SCARA3: variants seen among roughly 807,000 people sequenced by gnomAD.
SCARA3 encodes scavenger receptor class A member 3, also known as cellular stress response gene protein.
A neutral mutation model predicts 47.0 loss-of-function variants in SCARA3; 39 were observed. The observed-to-expected ratio is 0.83, with a 90% CI of 0.64 to 1.08. The LOEUF (loss-of-function observed/expected upper bound fraction) is 1.08. SCARA3 is among the 50% of genes least tolerant of loss of function. The probability of loss-of-function intolerance (pLI) is 0.00; values close to 1 mark genes in which losing one functional copy is unlikely to be tolerated. For missense variants in SCARA3, 724 were observed against 792.3 expected, an observed-to-expected ratio of 0.91 and a Z score of 1.04; for synonymous variants, 356 against 334.1, an observed-to-expected ratio of 1.07 and a Z score of -0.71.
chr8:27,639,050 G>A (rs550908598), intron 1 of SCARA3, among the ~76,000 whole-genome samples: 1 of 152,152 alleles, frequency 6.6e-6, no homozygotes, highest in Admixed American at 6.5e-5. Flanking sequence ...TATTTCCATC[G>A]GTGTCCTCAG....
intron 5 of SCARA3, among the ~76,000 whole-genome samples, chr8:27,660,842 C>CTAGCTAGCTAGCTAGA (rs1318777226): frequency 3.5e-5 from 4 of 113,768 alleles, no homozygotes; most frequent in African/African-American, 1.2e-4. Flanking sequence ...AGCTAGCTAG[C>CTAGCTAGCTAGCTAGA]TAGATAGATA....
the SCARA3 span, among the ~76,000 whole-genome samples, chr8:27,706,234 C>A: frequency 3.3e-5 from 5 of 152,180 alleles, no homozygotes; most frequent in Admixed American, 1.3e-4. Context: ...TCACTCACTG[C>A]AAACTCTGCC....
the SCARA3 span, among the ~76,000 whole-genome samples, chr8:27,708,636 C>A: frequency 6.6e-6 from 1 of 151,382 alleles, no homozygotes; most frequent in East Asian, 1.9e-4. Context: ...GGTGGGTTAG[C>A]GGACAGTTTC....
intron 3 of SCARA3, among the ~76,000 whole-genome samples, chr8:27,654,206 G>A (rs560785177): frequency 2.0e-5 from 3 of 152,176 alleles, no homozygotes; most frequent in Admixed American, 1.3e-4. Flanking sequence ...TAGGCAATAG[G>A]CATATAGGTC....
chr8:27,715,788 GGATA>G, the SCARA3 span, among the ~76,000 whole-genome samples: 1 of 150,438 alleles, frequency 6.6e-6, no homozygotes, highest in Non-Finnish European at 1.5e-5. This position sits in a 1 kb window ranked among gnomAD's most constrained non-coding sequence, Gnocchi z 4.2. Flanking sequence ...GATAGATGAT[GGATA>G]GATAGATGAC....
the SCARA3 span, among the ~76,000 whole-genome samples, chr8:27,728,822 G>A: frequency 1.3e-5 from 2 of 152,190 alleles, no homozygotes; most frequent in African/African-American, 2.4e-5. Flanking sequence ...CCGGGAGTTC[G>A]AGGCCAGCTG....
chr8:27,712,803 T>C, the SCARA3 span, among the ~76,000 whole-genome samples: 1 of 152,030 alleles, frequency 6.6e-6, no homozygotes, highest in African/African-American at 2.4e-5. Context: ...TACCAAGGAG[T>C]ATGATTGTTG....
rs755363316 is a variant in SCARA3 at position 27,658,863 on chromosome 8, C to T, written c.693C>T (p.Ser231=). The change falls in exon 5 of 6, where the codon TCC becomes TCT. Residue 231 remains serine (S), a synonymous_variant. Transcript: ENST00000301904. ...TCAACTTCACCGTGGGGCAGACTTC[C>T]GAGTGGATCCACGGGATCCAGCGGA... ...HQINFTVGQT[S]EWIHGIQRKT... The T allele has an allele frequency of 4.3e-6, 7 of 1,614,068 alleles. No homozygotes were observed. The highest frequency in any genetic ancestry group is 1.7e-5 in the Admixed American group (1 of 60,004).
upstream of SCARA3, among the ~76,000 whole-genome samples, chr8:27,633,713 C>G (rs1180044820): frequency 6.6e-6 from 1 of 151,824 alleles, no homozygotes; most frequent in Non-Finnish European, 1.5e-5. Context: ...GGGCGCGGGG[C>G]CCCCGCGGCG....
At chr8:27,653,998 A>G (rs1327128965) in intron 3 of SCARA3, among the ~76,000 whole-genome samples, 1 of 152,226 alleles carries the variant, frequency 6.6e-6, no homozygotes, top group Non-Finnish European at 1.5e-5. Flanking sequence ...TAAATCAGGC[A>G]TTAGGCTGGA....
downstream of SCARA3, among the ~76,000 whole-genome samples, chr8:27,677,563 T>C (rs532901468): frequency 6.6e-6 from 1 of 152,362 alleles, no homozygotes; most frequent in Admixed American, 6.5e-5. Flanking sequence ...AAAACCACTG[T>C]AGTTCTAGAG....
At chr8:27,695,849 C>T in the SCARA3 span, among the ~76,000 whole-genome samples, 2 of 151,714 alleles carry the variant, frequency 1.3e-5, no homozygotes. Context: ...AGAAAAAATA[C>T]AGTAGAAAAA....
chr8:27,639,464 G>A (rs767608031), intron 1 of SCARA3, among the ~76,000 whole-genome samples: 4 of 152,122 alleles, frequency 2.6e-5, no homozygotes, highest in Non-Finnish European at 4.4e-5. Flanking sequence ...CAGTGAAGAG[G>A]GCAGGAAGGA....
At chr8:27,718,293 G>A in the SCARA3 span, among the ~76,000 whole-genome samples, 1 of 152,276 alleles carries the variant, frequency 6.6e-6, no homozygotes, top group Non-Finnish European at 1.5e-5. Flanking sequence ...CCAGCAACCC[G>A]AGGATGTCTT....
chr8:27,677,817 C>G (rs1196592383), downstream of SCARA3, among the ~76,000 whole-genome samples: 1 of 152,072 alleles, frequency 6.6e-6, no homozygotes, highest in Non-Finnish European at 1.5e-5. Flanking sequence ...CAAGCCTCAA[C>G]AAATGTAAAA....
chr8:27,657,627 A>C (rs1585286332), intron 4 of SCARA3, among the ~76,000 whole-genome samples: 1 of 116,594 alleles, frequency 8.6e-6, no homozygotes, highest in African/African-American at 3.4e-5. Flanking sequence ...TGCAAGCTCC[A>C]CCTCCTGGGT....
chr8:27,697,924 T>TG, the SCARA3 span, among the ~76,000 whole-genome samples: 1 of 152,348 alleles, frequency 6.6e-6, no homozygotes, highest in Admixed American at 6.5e-5. Context: ...TTACCCGTCT[T>TG]GGGTATGTCT....
At chr8:27,693,124 CAA>C in the SCARA3 span, among the ~76,000 whole-genome samples, 266 of 99,048 alleles carry the variant, frequency 2.7e-3, 2 homozygotes, top group African/African-American at 6.2e-3. Context: ...GACTCTGTCT[CAA>C]AAAAAAAAAA....
the SCARA3 span, among the ~76,000 whole-genome samples, chr8:27,696,616 ATTT>A: frequency 7.5e-6 from 1 of 134,202 alleles, no homozygotes. Flanking sequence ...CACCTGGCTA[ATTT>A]TTTTTTTTTT....
Sources: allele counts gnomAD v4.1 joint callset (sites outside exome capture counted in the v4.1 genomes callset), GRCh38; gene constraint gnomAD v4.1.1; non-coding constraint Gnocchi (gnomAD v3.1); transcripts MANE v1.5; gene names NCBI Gene and HGNC (gene_info 2026-07-23, HGNC 2026-07-21).